The following CADM1 variants were observed in gnomAD, a reference collection of about 807,000 sequenced individuals.
CADM1 encodes the protein cell adhesion molecule 1, also known as TSLC-1.
A neutral mutation model predicts 53.1 loss-of-function variants in CADM1; 15 were observed. The ratio of observed to expected loss-of-function variants is 0.28; its 90% confidence interval spans 0.19 to 0.44. The LOEUF (loss-of-function observed/expected upper bound fraction) is 0.44. CADM1 is among the 20% of genes least tolerant of loss of function. CADM1 has a pLI of 1.00. For synonymous variants in CADM1, 281 were observed against 243.0 expected, an observed-to-expected ratio of 1.16 and a Z score of -1.45; for missense variants, 434 against 611.3, an observed-to-expected ratio of 0.71 and a Z score of 3.06.
chr11:115,372,681 TTC>T lies in CADM1; in HGVS notation c.124+131588_124+131589del, dbSNP rs1170608774. 3.9e-5 allele frequency among the ~76,000 whole-genome samples: 6 copies of T among 152,238 alleles called. No homozygotes were observed. The East Asian group carries it at 9.6e-4, about 24-fold the overall frequency. On this transcript the variant is annotated intron_variant, in intron 1 of 11. Transcript: ENST00000331581. Reference sequence around the variant, plus strand: ...TGTAGTCATTTCCAGGCTAATTAACTTCTTTTTCACCTATTATCAATACAAAT... The same window carrying T: ...TGTAGTCATTTCCAGGCTAATTAACTTTTTTCACCTATTATCAATACAAAT...
intron 1 of CADM1, among the ~76,000 whole-genome samples, chr11:115,274,576 C>T (rs955931230): frequency 5.3e-5 from 8 of 152,190 alleles, no homozygotes; most frequent in Non-Finnish European, 1.2e-4. Flanking sequence ...CTTTGCAGCA[C>T]GGTGCTTAAA....
intron 1 of CADM1, among the ~76,000 whole-genome samples, chr11:115,319,891 A>G (rs1443595833): frequency 6.6e-6 from 1 of 152,204 alleles, no homozygotes. Flanking sequence ...AATAATCCTA[A>G]CAACCCTAAA....
chr11:115,424,678 C>T (rs565965330), intron 1 of CADM1, among the ~76,000 whole-genome samples: 1 of 152,142 alleles, frequency 6.6e-6, no homozygotes, highest in African/African-American at 2.4e-5. Flanking sequence ...AGATGTGCAC[C>T]ACCATGCCCA....
In CADM1 at chr11:115,231,382, C is replaced by T. The variant is rs1406466484; in HGVS notation, c.533G>A (p.Arg178Lys). ...TAGCTCTGTGTTCCCTTTGAACCAC[C>T]TGATAGTCGTGGCTGGCTTGCTGGC... ...AMASKPATTI[R>K]WFKGNTELKG... is the part of the protein sequence containing the mutation. The change falls in exon 4 of 12, where the codon AGG becomes AAG. Residue 178 changes from arginine to lysine, a missense_variant. By Grantham distance (26) the Arg-to-Lys change is conservative (BLOSUM62 2). Transcript: ENST00000331581. The T allele has an allele frequency of 3.7e-6, 6 of 1,614,186 alleles. No homozygotes were observed. Among genetic ancestry groups the T allele is most frequent in the Non-Finnish European group, 5.1e-6 (6 of 1,180,008 alleles).
chr11:115,257,964 G>C lies in CADM1; in HGVS notation c.125-17544C>G, dbSNP rs574915085. ...AGGTGATGCTGACACTGCTGATCCA[G>C]GGTCTATGCTCTGAGAATTGGCATA... is the stretch of plus-strand genomic sequence containing the variant. On this transcript the variant is annotated intron_variant, in intron 1 of 11. Transcript: ENST00000331581. Among the ~76,000 whole-genome samples the C allele has an allele frequency of 2.0e-5, 3 of 152,282 alleles. No homozygotes were observed. In the South Asian group the frequency reaches 6.2e-4, roughly 32 times the overall value.
Position 115,495,004 on chromosome 11 carries a change from C to G in CADM1, c.124+9267G>C, listed in dbSNP as rs961675211. Among the ~76,000 whole-genome samples the G allele has an allele frequency of 6.6e-5, 10 of 152,168 alleles. No individual in the cohort carries two copies. In the East Asian group the frequency reaches 1.9e-3, roughly 29 times the overall value. On this transcript the variant is annotated intron_variant, in intron 1 of 11. Coordinates refer to ENST00000331581, the MANE Select transcript of CADM1 (RefSeq NM_001301043.2). ...TGATTACTAACAAAACTAAAGAAGA[C>G]AGAGAGCTCTTCACAATGAAGTTTG... is the stretch of plus-strand genomic sequence containing the variant.
intron 9 of CADM1, among the ~76,000 whole-genome samples, chr11:115,192,773 T>C (rs1037869889): frequency 3.9e-5 from 6 of 152,190 alleles, no homozygotes; most frequent in African/African-American, 1.4e-4. Context: ...CAAATATGTT[T>C]ATGAAATATC....
At chr11:115,250,558 AAAAC>A (rs1291239081) in intron 1 of CADM1, among the ~76,000 whole-genome samples, 1 of 152,238 alleles carries the variant, frequency 6.6e-6, no homozygotes. Context: ...AGAGGCAAGA[AAAAC>A]AAATTATTTA....
At chr11:115,246,513 T>C (rs561042907) in intron 1 of CADM1, among the ~76,000 whole-genome samples, 2 of 152,288 alleles carry the variant, frequency 1.3e-5, no homozygotes, top group South Asian at 4.1e-4. Context: ...TCAATAGAAC[T>C]GAGTAGAAAG....
intron 1 of CADM1, among the ~76,000 whole-genome samples, chr11:115,415,352 C>T (rs188493826): frequency 4.8e-4 from 73 of 152,224 alleles, no homozygotes; most frequent in African/African-American, 1.7e-3. Context: ...GGTCATCATT[C>T]ATATATTATA....
chr11:115,497,943 C>T (rs1245361386), intron 1 of CADM1, among the ~76,000 whole-genome samples: 6 of 149,678 alleles, frequency 4.0e-5, no homozygotes, highest in Admixed American at 3.3e-4. Context: ...GATTTATAGT[C>T]CATATTTAAT....
intron 1 of CADM1, among the ~76,000 whole-genome samples, chr11:115,331,037 C>A (rs1945116310): frequency 6.6e-6 from 1 of 152,076 alleles, no homozygotes; most frequent in East Asian, 1.9e-4. Flanking sequence ...GTTGGGGGGC[C>A]TGGTGAAGAA....
intron 7 of CADM1, among the ~76,000 whole-genome samples, chr11:115,214,162 A>G (rs188078401): frequency 1.3e-5 from 2 of 152,350 alleles, no homozygotes; most frequent in East Asian, 3.9e-4. Flanking sequence ...TTACTGGCTT[A>G]CAACATCTTT....
chr11:115,307,561 C>T, intron 1 of CADM1, among the ~76,000 whole-genome samples: 1 of 150,246 alleles, frequency 6.7e-6, no homozygotes, highest in East Asian at 1.9e-4. Context: ...CTAAAATAGG[C>T]TAATGCCAAG....
At chr11:115,230,073 C>T (rs1375018309) in intron 4 of CADM1, among the ~76,000 whole-genome samples, 1 of 152,168 alleles carries the variant, frequency 6.6e-6, no homozygotes, top group Non-Finnish European at 1.5e-5. Context: ...CTTATCGGTA[C>T]ACATTTAATG....
chr11:115,339,497 A>T (rs970587636), intron 1 of CADM1, among the ~76,000 whole-genome samples: 1 of 152,168 alleles, frequency 6.6e-6, no homozygotes, highest in Non-Finnish European at 1.5e-5. Context: ...AACCATCTAA[A>T]CATGGTGTAA....
rs1177950014 is a variant in CADM1 at position 115,404,127 on chromosome 11, A to T, written c.124+100144T>A. 2.7e-5 allele frequency among the ~76,000 whole-genome samples: 4 copies of T among 146,594 alleles called. No homozygotes were observed. The East Asian group carries it at 8.7e-4, about 32-fold the overall frequency. ...GATCACTTGAGGTCAGATGTTCGAG[A>T]CCAGCCTGGCCAACATGGTAAAACC... On this transcript the variant is annotated intron_variant, in intron 1 of 11. Coordinates refer to ENST00000331581, the MANE Select transcript of CADM1 (RefSeq NM_001301043.2).
chr11:115,321,998 C>T (rs1944836980), intron 1 of CADM1, among the ~76,000 whole-genome samples: 1 of 152,072 alleles, frequency 6.6e-6, no homozygotes, highest in Non-Finnish European at 1.5e-5. Context: ...GTACATTTTG[C>T]CAACCTATCA....
At chr11:115,324,579 A>ACAGCTAGTG (rs1215828661) in intron 1 of CADM1, among the ~76,000 whole-genome samples, 9 of 152,206 alleles carry the variant, frequency 5.9e-5, no homozygotes, top group African/African-American at 1.2e-4. Flanking sequence ...CTCCTGCCAA[A>ACAGCTAGTG]CAGCTAGTGC....
Sources: gnomAD v4.1 joint callset for allele counts (sites outside exome capture counted in the v4.1 genomes callset) on GRCh38, gnomAD v4.1.1 for gene constraint, MANE v1.5 for transcripts, NCBI Gene and HGNC (gene_info 2026-07-23, HGNC 2026-07-21) for gene names.